SHISA2: variants seen among roughly 807,000 people sequenced by gnomAD.
SHISA2 encodes protein shisa-2 homolog.
Under a neutral mutation model 23.8 loss-of-function variants are expected in SHISA2, and 16 were observed. That is an observed-to-expected ratio of 0.67 (90% CI 0.46 to 1.02). The LOEUF is 1.02. SHISA2 is among the 50% of genes least tolerant of loss of function. SHISA2 has a pLI of 0.00. For missense variants in SHISA2, 459 were observed against 420.1 expected (o/e 1.09, Z -0.81); for synonymous variants, 201 against 178.6 (o/e 1.13, Z -1.00).
chr13:26,047,509 C>T (rs1003009181), intron 1 of SHISA2, among the ~76,000 whole-genome samples: 1 of 152,148 alleles, frequency 6.6e-6, no homozygotes, highest in African/African-American at 2.4e-5. Flanking sequence ...TTTTTTCCCC[C>T]AGAAAGTTAT....
At chr13:26,049,762 GC>G (rs1225634051) in intron 1 of SHISA2, among the ~76,000 whole-genome samples, 1 of 151,898 alleles carries the variant, frequency 6.6e-6, no homozygotes, top group Admixed American at 6.6e-5. Context: ...CTAGCGAAAA[GC>G]CTCCCAGGTA....
At chr13:26,048,352 G>A (rs1957279604) in intron 1 of SHISA2, among the ~76,000 whole-genome samples, 1 of 152,016 alleles carries the variant, frequency 6.6e-6, no homozygotes, top group Non-Finnish European at 1.5e-5. Flanking sequence ...AATCTTTTAG[G>A]AGCCATAGAG....
In SHISA2 at chr13:26,046,081, TTAAA is replaced by T. The variant is rs200852086; in HGVS notation, c.*428_*431del. On this transcript the variant is annotated 3_prime_UTR_variant, in exon 2 of 2. Transcript: ENST00000319420. ...GGCAACAGAGCAAGACCCTGTCTGA[TTAAA>T]AAAAAAAAAAAAAAAAAAAAAAGTC... is the stretch of plus-strand genomic sequence containing the variant. 4,550 of 97,382 alleles carry T rather than the reference TTAAA, an allele frequency of 0.047. 164 individuals carry two copies. Among genetic ancestry groups the T allele is most frequent in the East Asian group, 0.24 (884 of 3,614 alleles). 6.0% of individuals were successfully genotyped at this position (97,382 alleles called of 1,614,324 possible). A position where few individuals can be genotyped will look rare whatever the true frequency, so the allele number is the denominator to read the frequency against.
chr13:26,051,813 C>T lies in SHISA2; in HGVS notation c.-838G>A, dbSNP rs2137490570. Among the ~76,000 whole-genome samples the T allele has an allele frequency of 6.6e-6, 1 of 152,250 alleles. No homozygotes were observed. The highest frequency in any genetic ancestry group is 1.9e-4 in the East Asian group (1 of 5,160). ...GCCCCGGTTCCCCTTCTCCGCCTCC[C>T]CGGCTGCAGCGCGGTCCCACAGGAG... On this transcript the variant is annotated 5_prime_UTR_variant, in exon 1 of 2. Transcript: ENST00000319420.
intron 1 of SHISA2, among the ~76,000 whole-genome samples, chr13:26,047,530 T>C (rs555857205): frequency 1.2e-3 from 178 of 152,352 alleles, no homozygotes; most frequent in African/African-American, 3.4e-3. Context: ...TTAAGTTCCT[T>C]GCAAATTTCT....
At chr13:26,049,572 T>C (rs1179741689) in intron 1 of SHISA2, among the ~76,000 whole-genome samples, 1 of 146,176 alleles carries the variant, frequency 6.8e-6, no homozygotes, top group Non-Finnish European at 1.5e-5. Flanking sequence ...GGTTCTGGAA[T>C]TACGCTCTCT....
At position 26,047,002 on chromosome 13, in the gene SHISA2, G is replaced by A; in HGVS notation, c.399C>T (p.Ser133=). The A allele has an allele frequency of 1.9e-6, 3 of 1,592,208 alleles. No individual in the cohort carries two copies. Among genetic ancestry groups the A allele is most frequent in the Non-Finnish European group, 2.6e-6 (3 of 1,167,612 alleles). The change falls in exon 2 of 2, where the codon TCC becomes TCT. Residue 133 remains serine, a synonymous_variant. Transcript: ENST00000319420. The stretch of plus-strand genomic sequence containing the variant: ...ATCTGCAGCAACAGGCTGCCACCAG[G>A]GACCCCAAGATGATAAAGGCGACAA... ...SVFVAFIILG[S]LVAACCCRCL...
At chr13:26,047,549 T>C (rs569857124) in intron 1 of SHISA2, among the ~76,000 whole-genome samples, 1 of 152,198 alleles carries the variant, frequency 6.6e-6, no homozygotes, top group Non-Finnish European at 1.5e-5. Flanking sequence ...CTTTTTACCA[T>C]TTTTTAGCAA....
intron 1 of SHISA2, among the ~76,000 whole-genome samples, chr13:26,047,422 T>C (rs1260925359): frequency 6.6e-6 from 1 of 152,248 alleles, no homozygotes; most frequent in East Asian, 1.9e-4. Flanking sequence ...ATAATCAAAC[T>C]GTCCAAACTT....
Position 26,050,887 on chromosome 13 carries a change from C to A in SHISA2, c.89G>T (p.Gly30Val). 6.6e-7 allele frequency: 1 copy of A among 1,520,372 alleles called. No individual in the cohort carries two copies. The highest frequency in any genetic ancestry group is 8.8e-7 in the Non-Finnish European group (1 of 1,141,498). The allele number at this position is 1,520,372 out of a possible 1,614,324, so 94.2% of individuals were successfully genotyped here. Residue 30 changes from glycine (G) to valine (V), a missense_variant, in exon 1 of 2, where the codon GGG becomes GTG. By Grantham distance (109) the Gly-to-Val change is moderately radical. Transcript: ENST00000319420. ...GCAGTACTCGCCGCTGGCCCTCGCCCCCGCCGCCAGCAGCGCAGCCAGCAG... is the reference window on the plus strand; with the variant it reads ...GCAGTACTCGCCGCTGGCCCTCGCCACCGCCGCCAGCAGCGCAGCCAGCAG... ...QLLLAALLAA[G>V]ARASGEYCHG...
At chr13:26,048,135 T>C (rs1196050157) in intron 1 of SHISA2, among the ~76,000 whole-genome samples, 1 of 152,074 alleles carries the variant, frequency 6.6e-6, no homozygotes, top group Admixed American at 6.6e-5. Context: ...AGACCCTGTC[T>C]CTACTAAAAC....
intron 1 of SHISA2, among the ~76,000 whole-genome samples, chr13:26,049,593 G>C (rs755349455): frequency 3.9e-5 from 6 of 152,156 alleles, no homozygotes; most frequent in Non-Finnish European, 7.4e-5. Flanking sequence ...TCAGATTCAA[G>C]ACAGCAGAAC....
chr13:26,046,380 A>G lies in SHISA2; in HGVS notation c.*133T>C. ...AATGCTAATTCGGAGATGTTTTCATACAGTCTGGGGGCAAATGAAGCCATC... is the reference window on the plus strand; with the variant it reads ...AATGCTAATTCGGAGATGTTTTCATGCAGTCTGGGGGCAAATGAAGCCATC... On this transcript the variant is annotated 3_prime_UTR_variant, in exon 2 of 2. Coordinates refer to ENST00000319420, the MANE Select transcript of SHISA2 (RefSeq NM_001007538.2). 3 of 869,686 alleles carry G rather than the reference A, an allele frequency of 3.4e-6. No individual in the cohort carries two copies. Among genetic ancestry groups the G allele is most frequent in the Non-Finnish European group, 3.4e-6 (2 of 586,050 alleles). The allele number at this position is 869,686 out of a possible 1,614,324, so 53.9% of individuals were successfully genotyped here.
intron 1 of SHISA2, among the ~76,000 whole-genome samples, chr13:26,047,909 C>T (rs530549947): frequency 2.0e-5 from 3 of 152,312 alleles, no homozygotes; most frequent in South Asian, 2.1e-4. Flanking sequence ...CATAAAGCAA[C>T]GGCCATCACA....
chr13:26,050,726 C>A lies in SHISA2; in HGVS notation c.250G>T (p.Asp84Tyr), dbSNP rs949552247. 5.4e-5 allele frequency: 80 copies of A among 1,495,276 alleles called. No homozygotes were observed. Among genetic ancestry groups the A allele is most frequent in the Non-Finnish European group, 7.0e-5 (79 of 1,130,156 alleles). 92.6% of individuals were successfully genotyped at this position (1,495,276 alleles called of 1,614,324 possible). Residue 84 changes from aspartate (D) to tyrosine (Y), a missense_variant, in exon 1 of 2, where the codon GAC becomes TAC. Coordinates refer to ENST00000319420, the MANE Select transcript of SHISA2 (RefSeq NM_001007538.2). ...CGGTCATTGTCGCAGCCGCCCTGGT[C>A]CAGGCGCGCCTCGGCGCTGGAGCAG... is the stretch of plus-strand genomic sequence containing the variant. Reference protein sequence around the residue: ...YCCSSAEARLDQGGCDNDRQQ... With the variant: ...YCCSSAEARLYQGGCDNDRQQ...
In SHISA2 at chr13:26,050,992, C is replaced by T. The variant is rs1309103957; in HGVS notation, c.-17G>A. ...GCCCCACATGGCACCACCCTGGGCGCGGACAGCGCGTCTCCAGAGAGCGCA... is the reference window on the plus strand; with the variant it reads ...GCCCCACATGGCACCACCCTGGGCGTGGACAGCGCGTCTCCAGAGAGCGCA... On this transcript the variant is annotated 5_prime_UTR_variant, in exon 1 of 2. Coordinates refer to ENST00000319420, the MANE Select transcript of SHISA2 (RefSeq NM_001007538.2). 1.3e-6 allele frequency: 2 copies of T among 1,485,408 alleles called. No individual in the cohort carries two copies. The highest frequency in any genetic ancestry group is 2.3e-5 in the Admixed American group (1 of 44,384). 92.0% of individuals were successfully genotyped at this position (1,485,408 alleles called of 1,614,324 possible).
Position 26,047,065 on chromosome 13 carries a change from C to T in SHISA2, c.336G>A (p.Val112=). ...ADKDGPDGSA[V]PIYVPFLIVG... is the part of the protein sequence containing the mutation. ...CAATGAGGAACGGCACGTAGATGGG[C>T]ACTGAAGCAAAGGACAGAAACACAA... is the stretch of plus-strand genomic sequence containing the variant. Residue 112 remains valine, a splice_region_variant and synonymous_variant, in exon 2 of 2, where the codon GTG becomes GTA. Coordinates refer to ENST00000319420, the MANE Select transcript of SHISA2 (RefSeq NM_001007538.2). The T allele has an allele frequency of 6.5e-7, 1 of 1,535,712 alleles. No homozygotes were observed. The highest frequency in any genetic ancestry group is 8.8e-7 in the Non-Finnish European group (1 of 1,140,844).
chr13:26,044,884 A>G lies in SHISA2; in HGVS notation c.*1629T>C, dbSNP rs1044737938. 2.0e-5 allele frequency: 3 copies of G among 152,250 alleles called. No homozygotes were observed. The highest frequency in any genetic ancestry group is 4.4e-5 in the Non-Finnish European group (3 of 68,042). 9.4% of individuals were successfully genotyped at this position (152,250 alleles called of 1,614,324 possible). On this transcript the variant is annotated 3_prime_UTR_variant, in exon 2 of 2. Coordinates refer to ENST00000319420, the MANE Select transcript of SHISA2 (RefSeq NM_001007538.2). ...TTATATAAGTAAAGAACACACAAATAAATTCACTTGAATTTGATAATTTGG... is the reference window on the plus strand; with the variant it reads ...TTATATAAGTAAAGAACACACAAATGAATTCACTTGAATTTGATAATTTGG...
Position 26,046,871 on chromosome 13 carries a change from G to C in SHISA2, c.530C>G (p.Ser177Cys), listed in dbSNP as rs1473741726. 6.2e-7 allele frequency: 1 copy of C among 1,613,704 alleles called. No homozygotes were observed. The highest frequency in any genetic ancestry group is 1.3e-5 in the African/African-American group (1 of 74,910). Residue 177 changes from serine (S) to cysteine (C), a missense_variant, in exon 2 of 2, where the codon TCC (serine) becomes TGC (cysteine). Transcript: ENST00000319420. The part of the protein sequence containing the change: ...IPSASTSRGS[S>C]SRQSSTAASS... ...GGCAGCTGTGCTGGACTGGCGTGAG[G>C]ACGACCCCCGGGAGGTGCTGGCACT... is the stretch of plus-strand genomic sequence containing the variant.
Sources: allele counts gnomAD v4.1 joint callset (sites outside exome capture counted in the v4.1 genomes callset), GRCh38; gene constraint gnomAD v4.1.1; transcripts MANE v1.5; gene names NCBI Gene and HGNC (gene_info 2026-07-23, HGNC 2026-07-21).